The following COL4A3 variants were observed in gnomAD, a reference collection of about 807,000 sequenced individuals.
COL4A3 encodes the protein collagen alpha-3(IV) chain.
Under a neutral mutation model 217.4 loss-of-function variants are expected in COL4A3, and 135 were observed. The observed-to-expected ratio is 0.62, with a 90% CI of 0.54 to 0.72. COL4A3 has a LOEUF of 0.72. Among genes scored for constraint, COL4A3 ranks in the 30% least tolerant of loss-of-function variants. The pLI is 0.00. For synonymous variants in COL4A3, 690 were observed against 736.3 expected (o/e 0.94, Z 1.02); for missense variants, 1,868 against 2,119.9 (o/e 0.88, Z 2.33).
At chr2:227,215,882 A>C (rs968522041) in intron 1 of COL4A3, among the ~76,000 whole-genome samples, 1 of 152,184 alleles carries the variant, frequency 6.6e-6, no homozygotes, top group South Asian at 2.1e-4. Flanking sequence ...TGATATTAAA[A>C]ATTTTCCTTA....
intron 19 of COL4A3, chr2:227,260,215 A>AC (rs1299704687): frequency 2.2e-6 from 1 of 446,620 alleles, no homozygotes; most frequent in African/African-American, 2.0e-5. Flanking sequence ...GAACAAACTC[A>AC]CACAGAGATG....
chr2:227,273,586 T>C (rs960065718), intron 26 of COL4A3, among the ~76,000 whole-genome samples: 20 of 152,238 alleles, frequency 1.3e-4, no homozygotes, highest in South Asian at 6.2e-4. Flanking sequence ...ATTTTATTTT[T>C]ATTTTTTGTA....
In COL4A3 at chr2:227,303,077, G is replaced by A. The variant is rs1458335122; in HGVS notation, c.3922G>A (p.Asp1308Asn). Reference sequence around the variant, plus strand: ...TCCAGGTCTTCCAGGACCCAGAGGTGATCCTGGATTCCAGGGGTTTCCAGG... The same window carrying A: ...TCCAGGTCTTCCAGGACCCAGAGGTAATCCTGGATTCCAGGGGTTTCCAGG... ...GTPGLPGPRG[D>N]PGFQGFPGVK... The change falls in exon 44 of 52, where the codon GAT becomes AAT. Residue 1308 changes from aspartate to asparagine, a missense_variant. Physicochemically the swap from Asp to Asn is conservative, Grantham distance 23 (BLOSUM62 1). This residue lies in a region of COL4A3 where 1,503 missense variants were observed against 1,786.1 expected (regional missense o/e 0.84). Coordinates refer to ENST00000396578, the MANE Select transcript of COL4A3 (RefSeq NM_000091.5). 2 of 1,614,092 alleles carry A rather than the reference G, an allele frequency of 1.2e-6. No homozygotes were observed. Among genetic ancestry groups the A allele is most frequent in the South Asian group, 1.1e-5 (1 of 91,080 alleles).
chr2:227,197,277 C>A (rs1159847181), intron 1 of COL4A3, among the ~76,000 whole-genome samples: 1 of 152,056 alleles, frequency 6.6e-6, no homozygotes, highest in Non-Finnish European at 1.5e-5. Flanking sequence ...AGTGCCGTGG[C>A]ACAATCTCAG....
intron 1 of COL4A3, among the ~76,000 whole-genome samples, chr2:227,205,272 T>C (rs1240709884): frequency 6.6e-6 from 1 of 152,206 alleles, no homozygotes; most frequent in African/African-American, 2.4e-5. Context: ...TACCCTATTA[T>C]GTACACATAT....
chr2:227,284,220 G>A lies in COL4A3; in HGVS notation c.2756G>A (p.Gly919Glu). Residue 919 changes from glycine to glutamate, a missense_variant, in exon 34 of 52, where the codon GGA becomes GAA. Coordinates refer to ENST00000396578, the MANE Select transcript of COL4A3 (RefSeq NM_000091.5). The stretch of plus-strand genomic sequence containing the variant: ...TACTCCTGTCTGTTAGGGAGCCCTG[G>A]AATTCCAGGAGTAAAGGGCCAGAGA... ...PGTPGQRGSP[G>E]IPGVKGQRGT... 1 of 1,614,088 alleles carries A rather than the reference G, an allele frequency of 6.2e-7. No homozygotes were observed. The highest frequency in any genetic ancestry group is 8.5e-7 in the Non-Finnish European group (1 of 1,179,998).
chr2:227,185,847 TG>T (rs921807550), intron 1 of COL4A3, among the ~76,000 whole-genome samples: 2 of 152,318 alleles, frequency 1.3e-5, no homozygotes, highest in Admixed American at 1.3e-4. Context: ...AACCTGCAGT[TG>T]TAGCATCTCA....
At chr2:227,204,244 A>G (rs1574563900) in intron 1 of COL4A3, among the ~76,000 whole-genome samples, 1 of 152,196 alleles carries the variant, frequency 6.6e-6, no homozygotes, top group Non-Finnish European at 1.5e-5. Context: ...GGATTAAATA[A>G]GTTATTAGAA....
At chr2:227,293,340 T>C in intron 38 of COL4A3, 23 bp downstream of exon 38, 1 of 1,613,508 alleles carries the variant, frequency 6.2e-7, no homozygotes, top group East Asian at 2.2e-5. Context: ...TTTACAATTC[T>C]AAAAGCTGGA....
chr2:227,256,253 T>A, intron 16 of COL4A3, 90 bp from the exon 17 acceptor site: 1 of 1,240,548 alleles, frequency 8.1e-7, no homozygotes, highest in Non-Finnish European at 1.2e-6. Context: ...CACATTCTTT[T>A]GTTTCAGAGG....
At chr2:227,254,295 T>C (rs1429492019) in intron 14 of COL4A3, 121 bp downstream of exon 14, 1 of 849,428 alleles carries the variant, frequency 1.2e-6, no homozygotes, top group Non-Finnish European at 1.9e-6. Context: ...AATAAAAGAA[T>C]GGCTACTCCA....
At chr2:227,209,785 T>C (rs1335721452) in intron 1 of COL4A3, among the ~76,000 whole-genome samples, 6 of 152,062 alleles carry the variant, frequency 3.9e-5, no homozygotes, top group Non-Finnish European at 8.8e-5. Context: ...GAGGTTGCAG[T>C]GAGCTGAGAT....
rs778634875 is a variant in COL4A3 at position 227,304,090 on chromosome 2, G to C, written c.4099G>C (p.Gly1367Arg). 3 of 1,614,196 alleles carry C rather than the reference G, an allele frequency of 1.9e-6. No individual in the cohort carries two copies. The highest frequency in any genetic ancestry group is 1.7e-6 in the Non-Finnish European group (2 of 1,180,024). ...AAGCCCAGGGCCACCTGGCACACCTGGAGAACCAGGGATGCAGGGAGAACC... is the reference window on the plus strand; with the variant it reads ...AAGCCCAGGGCCACCTGGCACACCTCGAGAACCAGGGATGCAGGGAGAACC... Reference protein sequence around the residue: ...PGSPGPPGTPGEPGMQGEPGP... With the variant: ...PGSPGPPGTPREPGMQGEPGP... Residue 1367 changes from glycine (G) to arginine (R), a missense_variant, in exon 46 of 52, where the codon GGA becomes CGA. Around this residue, in one of 2 missense-constraint regions of COL4A3, gnomAD observed 1,503 missense variants for 1,786.1 expected, o/e 0.84. Transcript: ENST00000396578.
chr2:227,257,698 T>C, intron 18 of COL4A3, 54 bp downstream of exon 18: 1 of 1,504,970 alleles, frequency 6.6e-7, no homozygotes, highest in Non-Finnish European at 9.3e-7. Flanking sequence ...TTCTTTAAAG[T>C]AGCAAGGAAA....
At chr2:227,298,653 C>A (rs368910505) in intron 42 of COL4A3, 29 bp from the exon 43 acceptor site, 284 of 1,612,810 alleles carry the variant, frequency 1.8e-4, no homozygotes, top group Admixed American at 2.8e-4. Flanking sequence ...CCCTGGCTGG[C>A]AATACTGACA....
Position 227,276,389 on chromosome 2 carries a change from T to A in COL4A3, c.1932T>A (p.Pro644=), listed in dbSNP as rs1469882111. 1 of 1,613,444 alleles carries A rather than the reference T, an allele frequency of 6.2e-7. No individual in the cohort carries two copies. The highest frequency in any genetic ancestry group is 2.2e-5 in the East Asian group (1 of 44,890). The change falls in exon 27 of 52, where the codon CCT becomes CCA. Residue 644 remains proline, a synonymous_variant. Coordinates refer to ENST00000396578, the MANE Select transcript of COL4A3 (RefSeq NM_000091.5). ...GAPGPPGEAG[P]RGELSVSTPV... ...ATGACCACAAATTTCCTTAAGGCCC[T>A]AGGGGAGAGCTCAGTGTTTCAACAC...
At chr2:227,251,262 T>C (rs2069724274) in intron 10 of COL4A3, 60 bp downstream of exon 10, 1 of 1,579,014 alleles carries the variant, frequency 6.3e-7, no homozygotes. Context: ...TTATTTATTA[T>C]TAAAAAGTTA....
intron 37 of COL4A3, 72 bp from the exon 38 acceptor site, chr2:227,293,119 A>C (rs1019817481): frequency 1.9e-5 from 31 of 1,594,066 alleles, no homozygotes; most frequent in Non-Finnish European, 2.2e-5. Context: ...ATTAGTGAAT[A>C]AAGTTTATGC....
chr2:227,250,148 A>C lies in COL4A3; in HGVS notation c.547-992A>C, dbSNP rs1045761198. Among the ~76,000 whole-genome samples the C allele has an allele frequency of 6.6e-6, 1 of 152,106 alleles. No individual in the cohort carries two copies. The highest frequency in any genetic ancestry group is 2.4e-5 in the African/African-American group (1 of 41,424). The stretch of plus-strand genomic sequence containing the variant: ...GCCAACACGCTGAAACTCCATCTCT[A>C]CTAAAGACACAAAAATTAGCCAGGT... On this transcript the variant is annotated intron_variant, in intron 9 of 51. Transcript: ENST00000396578. The surrounding 1 kb of genome is among the most constrained non-coding windows in gnomAD (Gnocchi z 4.1).
Sources: allele counts gnomAD v4.1 joint callset (sites outside exome capture counted in the v4.1 genomes callset), GRCh38; gene constraint gnomAD v4.1.1; regional missense constraint gnomAD v4.1.1; non-coding constraint Gnocchi (gnomAD v3.1); transcripts MANE v1.5; gene names NCBI Gene and HGNC (gene_info 2026-07-23, HGNC 2026-07-21).